DNAH10: variants seen among roughly 807,000 people sequenced by gnomAD.
DNAH10 encodes dynein axonemal heavy chain 10.
In DNAH10, 348 loss-of-function variants were observed where a neutral mutation model predicts 506.6. The ratio of observed to expected loss-of-function variants is 0.69; its 90% CI spans 0.63 to 0.75. The LOEUF is 0.75. Among genes scored for constraint, DNAH10 ranks in the 30% least tolerant of loss-of-function variants. DNAH10 has a pLI of 0.00. For missense variants in DNAH10, 5,179 were observed against 5,787.1 expected (o/e 0.89, Z 3.41); for synonymous variants, 2,059 against 2,198.6 (o/e 0.94, Z 1.78).
At position 123,903,703 on chromosome 12, in the gene DNAH10, C is replaced by T. The variant is rs564301822; in HGVS notation, c.9815+590C>T. Among the ~76,000 whole-genome samples the T allele has an allele frequency of 2.0e-5, 3 of 152,338 alleles. No homozygotes were observed. The highest frequency in any genetic ancestry group is 2.1e-4 in the South Asian group (1 of 4,828). ...GGCGTGGGCTAACAAGCTTTCTCCT[C>T]GCATGGCTTGGCCTCCCCAGGGCAC... On this transcript the variant is annotated intron_variant, in intron 57 of 78. Transcript: ENST00000673944. This position sits in a 1 kb window ranked among gnomAD's most constrained non-coding sequence, Gnocchi z 4.6.
At chr12:123,839,228 A>AC (rs34110686) in intron 29 of DNAH10, among the ~76,000 whole-genome samples, 8,987 of 151,966 alleles carry the variant, frequency 0.059, 706 homozygotes, top group African/African-American at 0.18. Flanking sequence ...AAAAAAAAAA[A>AC]AAACAAAAAA....
At chr12:123,875,608 G>A (rs960007060) in intron 47 of DNAH10, 117 bp downstream of exon 47, 68 of 1,237,398 alleles carry the variant, frequency 5.5e-5, no homozygotes, top group Admixed American at 4.6e-4. Flanking sequence ...TACTTTTAAG[G>A]GCCTATGAAA....
rs920269390 is a variant in DNAH10, at chr12:123,785,069, G to A, written c.1231-677G>A. On this transcript the variant is annotated intron_variant, in intron 8 of 78. Coordinates refer to ENST00000673944, the MANE Select transcript of DNAH10 (RefSeq NM_001372106.1). This position sits in a 1 kb window ranked among gnomAD's most constrained non-coding sequence, Gnocchi z 4.1. ...ACATTCTTGTACAAGGATTTGTGTGGATGTGTGTTTTTAATTATTCATGTA... is the reference window on the plus strand; with the variant it reads ...ACATTCTTGTACAAGGATTTGTGTGAATGTGTGTTTTTAATTATTCATGTA... Among the ~76,000 whole-genome samples, 1 of 152,192 alleles carries A rather than the reference G, an allele frequency of 6.6e-6. No individual in the cohort carries two copies. Among genetic ancestry groups the A allele is most frequent in the African/African-American group, 2.4e-5 (1 of 41,432 alleles).
At chr12:123,864,846 G>C in intron 40 of DNAH10, 116 bp downstream of exon 40, 1 of 1,272,420 alleles carries the variant, frequency 7.9e-7, no homozygotes, top group Non-Finnish European at 1.1e-6. Flanking sequence ...CAATGCATAA[G>C]GGTTTATAAT....
At chr12:123,770,427 G>A (rs910567381) in intron 2 of DNAH10, among the ~76,000 whole-genome samples, 16 of 150,866 alleles carry the variant, frequency 1.1e-4, no homozygotes, top group African/African-American at 3.4e-4. Flanking sequence ...CTCTAATGCT[G>A]TTAGGGAATT....
intron 62 of DNAH10, 60 bp downstream of exon 62, chr12:123,915,059 C>T (rs1270866050): frequency 9.9e-6 from 15 of 1,515,656 alleles, no homozygotes; most frequent in African/African-American, 1.4e-5. Context: ...GGAGAATGCC[C>T]CTCCCGCCTC....
chr12:123,915,003 T>C lies in DNAH10; in HGVS notation c.10722+4T>C, dbSNP rs1316952. On this transcript the variant is annotated splice_donor_region_variant and intron_variant, in intron 62 of 78. Transcript: ENST00000673944. ...AGAGGAGAAGAACAATCTGCGGGTA[T>C]GGTGGCTCCTCCCAGGGCGTCTTCT... The C allele has an allele frequency of 0.15, 234,769 of 1,601,102 alleles. 22,462 individuals carry two copies. Among genetic ancestry groups the C allele is most frequent in the African/African-American group, 0.46 (34,615 of 74,476 alleles).
At position 123,868,103 on chromosome 12, in the gene DNAH10, C is replaced by T. The variant is rs1235108023; in HGVS notation, c.7503C>T (p.Asn2501=). The T allele has an allele frequency of 6.2e-7, 1 of 1,613,080 alleles. No homozygotes were observed. The stretch of plus-strand genomic sequence containing the variant: ...TTGACACAGAAGGAGTTTGGGCCAA[C>T]CCTGGGGAACTGCCAGGTGGGAACC... ...STVDTEGVWA[N]PGELPGQLPT... Residue 2501 remains asparagine (N), a synonymous_variant, in exon 43 of 79, where the codon AAC becomes AAT. Coordinates refer to ENST00000673944, the MANE Select transcript of DNAH10 (RefSeq NM_001372106.1).
intron 21 of DNAH10, among the ~76,000 whole-genome samples, 186 bp from the exon 22 acceptor site, chr12:123,818,764 G>C (rs900763714): frequency 2.6e-5 from 4 of 152,100 alleles, no homozygotes; most frequent in Non-Finnish European, 1.5e-5. Context: ...TTACAGCCAT[G>C]AGCCATGTAA....
At chr12:123,929,132 T>C (rs898109178) in intron 70 of DNAH10, 143 bp from the exon 71 acceptor site, 13 of 838,988 alleles carry the variant, frequency 1.5e-5, no homozygotes, top group Non-Finnish European at 2.4e-5. Context: ...GCCTGGGCCC[T>C]GGACAAGAGA....
Position 123,804,843 on chromosome 12 carries a change from A to AT in DNAH10, c.2796dup (p.Glu933Ter). The stretch of plus-strand genomic sequence containing the variant: ...CATCTTTCTCTCCAGGCGTGAAGGA[A>AT]TTTTTTGAACACATTGAGCGAGAAA... On this transcript the variant is annotated frameshift_variant, in exon 18 of 79. Transcript: ENST00000673944. LOFTEE classifies it high-confidence loss of function. 6.2e-7 allele frequency: 1 copy of AT among 1,609,476 alleles called. No individual in the cohort carries two copies. Among genetic ancestry groups the AT allele is most frequent in the East Asian group, 2.2e-5 (1 of 44,766 alleles).
Position 123,833,122 on chromosome 12 carries a change from G to A in DNAH10, c.4554G>A (p.Lys1518=). 1.9e-6 allele frequency: 3 copies of A among 1,609,074 alleles called. No individual in the cohort carries two copies. Among genetic ancestry groups the A allele is most frequent in the Non-Finnish European group, 1.7e-6 (2 of 1,177,474 alleles). Residue 1518 remains lysine (K), a synonymous_variant, in exon 27 of 79, where the codon AAG becomes AAA. Transcript: ENST00000673944. ...IKEVAIEKAV[K]EILDTWENMK... is the part of the protein sequence containing the mutation. ...TTTCTATTCCTGAACAGGCTGTGAA[G>A]GAAATCCTAGACACGTGGGAAAATA...
intron 4 of DNAH10, 33 bp downstream of exon 4, chr12:123,772,975 TTGAGG>T (rs774017111): frequency 6.7e-7 from 1 of 1,481,560 alleles, no homozygotes; most frequent in Non-Finnish European, 9.3e-7. Context: ...TGTATGTGTG[TTGAGG>T]GGGTGTGGTT....
intron 52 of DNAH10, 114 bp downstream of exon 52, chr12:123,887,427 A>T: frequency 1.6e-6 from 2 of 1,261,830 alleles, no homozygotes; most frequent in African/African-American, 1.5e-5. Flanking sequence ...GTGCGGGTGT[A>T]CCTGTTCCTC....
In DNAH10 at chr12:123,887,314, G is replaced by A. The variant is rs1364263462; in HGVS notation, c.8995+1G>A. On this transcript the variant is annotated splice_donor_variant, in intron 52 of 78. Transcript: ENST00000673944. LOFTEE classifies it high-confidence loss of function. ...CTCATCAACAACATGCTGACCTCAGGTACAGCCAAGGCTGGCGCCCGCTGT... is the reference window on the plus strand; with the variant it reads ...CTCATCAACAACATGCTGACCTCAGATACAGCCAAGGCTGGCGCCCGCTGT... The A allele has an allele frequency of 6.2e-7, 1 of 1,612,868 alleles. No individual in the cohort carries two copies. Among genetic ancestry groups the A allele is most frequent in the Admixed American group, 1.7e-5 (1 of 59,882 alleles).
Position 123,853,225 on chromosome 12 carries a change from C to CTGTATAAGCTGGCCCG in DNAH10, c.6311_6312insTGTATAAGCTGGCCCG (p.Leu2106Ter). 2 of 1,603,940 alleles carry CTGTATAAGCTGGCCCG rather than the reference C, an allele frequency of 1.2e-6. No homozygotes were observed. The highest frequency in any genetic ancestry group is 1.7e-6 in the Non-Finnish European group (2 of 1,174,982). On this transcript the variant is annotated stop_gained and frameshift_variant, in exon 36 of 79. Transcript: ENST00000673944. LOFTEE classifies it high-confidence loss of function. This position sits in a 1 kb window ranked among gnomAD's most constrained non-coding sequence, Gnocchi z 4.7. ...AAAAAGACTCTGGCGAAAAAGATGA[C>CTGTATAAGCTGGCCCG]GGTTCTGTATAAGCTGGCCCGGGAG...
chr12:123,905,150 A>G (rs1174091731), intron 57 of DNAH10, among the ~76,000 whole-genome samples: 1 of 152,148 alleles, frequency 6.6e-6, no homozygotes, highest in Non-Finnish European at 1.5e-5. Context: ...TTAGCAGTAT[A>G]TTTTGGAGAG....
At chr12:123,829,917 G>A (rs1030842526) in intron 25 of DNAH10, among the ~76,000 whole-genome samples, 4 of 152,186 alleles carry the variant, frequency 2.6e-5, no homozygotes, top group African/African-American at 9.7e-5. Flanking sequence ...AGCTGCCCCC[G>A]TTGTGTCTGT....
Position 123,881,816 on chromosome 12 carries a change from C to T in DNAH10, c.8823+3C>T, listed in dbSNP as rs942670608. On this transcript the variant is annotated splice_donor_region_variant and intron_variant, in intron 51 of 78. Transcript: ENST00000673944. ...CTGCCTTCACAGCCAGCTGTGAGGT[C>T]AGTCCACGTACCCTCCCAGAAATAG... 2.0e-6 allele frequency: 3 copies of T among 1,508,140 alleles called. No homozygotes were observed. The highest frequency in any genetic ancestry group is 5.1e-5 in the Admixed American group (2 of 39,314). The allele number at this position is 1,508,140 out of a possible 1,614,324, so 93.4% of individuals were successfully genotyped here.
Sources: allele counts gnomAD v4.1 joint callset (sites outside exome capture counted in the v4.1 genomes callset), GRCh38; gene constraint gnomAD v4.1.1; non-coding constraint Gnocchi (gnomAD v3.1); transcripts MANE v1.5; gene names NCBI Gene and HGNC (gene_info 2026-07-23, HGNC 2026-07-21).